The following NALF2 variants were observed in gnomAD, a reference collection of about 807,000 sequenced individuals.
NALF2 encodes the protein NALCN channel auxiliary factor 2.
NALF2 carries 1 observed loss-of-function variant against 24.8 expected under a neutral mutation model. The observed-to-expected ratio is 0.04, with a 90% CI of 0.01 to 0.19. The LOEUF (loss-of-function observed/expected upper bound fraction) is 0.19, where lower values mean the gene tolerates loss of function less well. NALF2 is among the 10% of genes least tolerant of loss of function. NALF2 has a pLI of 1.00. For synonymous variants in NALF2, 254 were observed against 189.8 expected (o/e 1.34, Z -2.78); for missense variants, 458 against 409.6 (o/e 1.12, Z -1.02).
intron 1 of NALF2, among the ~76,000 whole-genome samples, chrX:69,527,313 C>G (rs1033598190): frequency 4.5e-5 from 5 of 112,126 alleles, no homozygotes; most frequent in Non-Finnish European, 7.5e-5. Context: ...CCAAGCAATG[C>G]TTTGCTCTTT....
chrX:69,505,364 A>T lies in NALF2; in HGVS notation c.82A>T (p.Arg28Trp). ...CTGCTGCTGCTGCTGCTGGGCTCCCAGGCCGAGCGACAAACCTTGCGCCGA... is the reference window on the plus strand; with the variant it reads ...CTGCTGCTGCTGCTGCTGGGCTCCCTGGCCGAGCGACAAACCTTGCGCCGA... ...ICCCCCCWAP[R>W]PSDKPCADSE... Residue 28 changes from arginine (R) to tryptophan (W), a missense_variant, in exon 1 of 3, where the codon AGG becomes TGG. Transcript: ENST00000252338. The T allele has an allele frequency of 8.6e-7, 1 of 1,158,199 alleles. No individual in the cohort carries two copies. The highest frequency in any genetic ancestry group is 1.9e-5 in the South Asian group (1 of 51,658).
chrX:69,505,268 G>A lies in NALF2; in HGVS notation c.-15G>A. On this transcript the variant is annotated 5_prime_UTR_variant, in exon 1 of 3. Transcript: ENST00000252338. ...CGCGCCTGCCTGTTCCCTCCAGCCC[G>A]GACCCCCCTGAAATATGTTCAGGGG... The A allele has an allele frequency of 8.8e-7, 1 of 1,135,700 alleles. No individual in the cohort carries two copies. The highest frequency in any genetic ancestry group is 2.0e-5 in the South Asian group (1 of 49,115). The allele number at this position is 1,135,700 out of a possible 1,213,427, so 93.6% of individuals were successfully genotyped here.
At position 69,505,606 on chromosome X, in the gene NALF2, C is replaced by A. The variant is rs768426384; in HGVS notation, c.324C>A (p.Ser108Arg). The change falls in exon 1 of 3, where the codon AGC becomes AGA. Residue 108 changes from serine to arginine, a missense_variant. Transcript: ENST00000252338. ...PLPPPPPGEP[S>R]APPGTCGPRY... ...CGCCGCCGCCGCCCGGCGAGCCCAG[C>A]GCGCCCCCAGGCACCTGCGGCCCCA... 1.8e-6 allele frequency: 2 copies of A among 1,095,318 alleles called. No homozygotes were observed. Among genetic ancestry groups the A allele is most frequent in the Non-Finnish European group, 1.2e-6 (1 of 851,503 alleles). The allele number at this position is 1,095,318 out of a possible 1,213,427, so 90.3% of individuals were successfully genotyped here.
chrX:69,520,243 T>C (rs1287416420), intron 1 of NALF2, among the ~76,000 whole-genome samples: 2 of 112,175 alleles, frequency 1.8e-5, no homozygotes, highest in Non-Finnish European at 3.8e-5. Flanking sequence ...TGGTTACTTC[T>C]TTCTCATGAT....
intron 1 of NALF2, among the ~76,000 whole-genome samples, chrX:69,520,778 A>C (rs1393801539): frequency 9.0e-6 from 1 of 111,675 alleles, no homozygotes; most frequent in Non-Finnish European, 1.9e-5. Flanking sequence ...CCTCTCTCTC[A>C]TTCCCCACAT....
chrX:69,512,023 G>C lies in NALF2; in HGVS notation c.861+5880G>C, dbSNP rs1930591797. Among the ~76,000 whole-genome samples, 4 of 111,587 alleles carry C rather than the reference G, an allele frequency of 3.6e-5. No homozygotes were observed. The South Asian group carries it at 1.5e-3, about 43-fold the overall frequency. ...CACCCTCTGAGGCAGTTTACCTTCT[G>C]TGTGCCCATACAGACTGGGCATCAA... On this transcript the variant is annotated intron_variant, in intron 1 of 2. Transcript: ENST00000252338.
At chrX:69,524,112 T>C (rs1408602539) in intron 1 of NALF2, among the ~76,000 whole-genome samples, 1 of 108,753 alleles carries the variant, frequency 9.2e-6, no homozygotes, top group African/African-American at 3.4e-5. Flanking sequence ...TTTTTTTTTT[T>C]TTTTAGACAG....
At chrX:69,512,049 A>G (rs1346929214) in intron 1 of NALF2, among the ~76,000 whole-genome samples, 1 of 111,273 alleles carries the variant, frequency 9.0e-6, no homozygotes, top group Non-Finnish European at 1.9e-5. Flanking sequence ...TGGGCATCAA[A>G]CCTGCCCTCC....
At position 69,505,894 on chromosome X, in the gene NALF2, C is replaced by T. The variant is rs371432784; in HGVS notation, c.612C>T (p.Val204=). 1 of 1,211,539 alleles carries T rather than the reference C, an allele frequency of 8.3e-7. No homozygotes were observed. Among genetic ancestry groups the T allele is most frequent in the Non-Finnish European group, 1.1e-6 (1 of 895,452 alleles). Residue 204 remains valine, a synonymous_variant, in exon 1 of 3, where the codon GTC becomes GTT. Coordinates refer to ENST00000252338, the MANE Select transcript of NALF2 (RefSeq NM_015686.3). ...FTLSFCDTYT[V]WDLLLGMDRP... is the part of the protein sequence containing the mutation. The stretch of plus-strand genomic sequence containing the variant: ...TCTCCTTTTGCGACACCTACACGGT[C>T]TGGGACTTGCTGCTGGGCATGGACC...
At chrX:69,517,871 C>T (rs962615257) in intron 1 of NALF2, among the ~76,000 whole-genome samples, 3 of 112,880 alleles carry the variant, frequency 2.7e-5, no homozygotes, top group African/African-American at 9.7e-5. Context: ...TCTGGCAAGG[C>T]ACAGCATTTG....
intron 1 of NALF2, among the ~76,000 whole-genome samples, chrX:69,513,336 C>T (rs948302366): frequency 2.7e-5 from 3 of 112,349 alleles, no homozygotes; most frequent in South Asian, 3.7e-4. Flanking sequence ...CCCCAGAGTC[C>T]GCTGAGGCCT....
rs141000146 is a variant in NALF2 at position 69,505,952 on chromosome X, C to G, written c.670C>G (p.Leu224Val). The change falls in exon 1 of 3, where the codon CTG becomes GTG. Residue 224 changes from leucine to valine, a missense_variant. Leu to Val is a conservative substitution (Grantham distance 32, BLOSUM62 1). Transcript: ENST00000252338. ...CAGCCTGGACTGTAGCCTGGACACC[C>G]TGATGGGGGACCTGCTGGCCGTGGT... is the stretch of plus-strand genomic sequence containing the variant. ...PDSLDCSLDT[L>V]MGDLLAVVAS... 1,139 of 1,210,383 alleles carry G rather than the reference C, an allele frequency of 9.4e-4. 5 individuals are homozygous for G. In the African/African-American group the frequency reaches 0.016, roughly 17 times the overall value.
At chrX:69,524,301 A>G (rs1390374680) in intron 1 of NALF2, among the ~76,000 whole-genome samples, 2 of 110,062 alleles carry the variant, frequency 1.8e-5, no homozygotes, top group African/African-American at 6.6e-5. Context: ...CATGTTGTCC[A>G]GGCTGGTCTA....
At position 69,532,489 on chromosome X, in the gene NALF2, A is replaced by G. The variant is rs1930922426; in HGVS notation, c.*2533A>G. On this transcript the variant is annotated 3_prime_UTR_variant, in exon 3 of 3. Transcript: ENST00000252338. ...CTTGTTTAACCCCATAAAGAAATAA[A>G]TGGTAAGACTTGATGATAACCCTCC... 1 of 111,644 alleles carries G rather than the reference A, an allele frequency of 9.0e-6. No individual in the cohort carries two copies. The highest frequency in any genetic ancestry group is 1.9e-5 in the Non-Finnish European group (1 of 53,147). The allele number at this position is 111,644 out of a possible 1,213,427, so 9.2% of individuals were successfully genotyped here. A position where few individuals can be genotyped will look rare whatever the true frequency, so the allele number is the denominator to read the frequency against.
intron 1 of NALF2, 44 bp downstream of exon 1, chrX:69,506,187 G>A (rs766423113): frequency 1.1e-5 from 13 of 1,168,739 alleles, no homozygotes; most frequent in Non-Finnish European, 1.5e-5. Context: ...CCTGGGCAGC[G>A]GCAGCGGCCG....
intron 1 of NALF2, among the ~76,000 whole-genome samples, chrX:69,515,747 C>G (rs1930652701): frequency 8.9e-6 from 1 of 112,193 alleles, no homozygotes; most frequent in Non-Finnish European, 1.9e-5. Flanking sequence ...TTTTTCTAAT[C>G]ACATTTGTGG....
In NALF2 at chrX:69,505,771, C is replaced by G; in HGVS notation, c.489C>G (p.Ala163=). ...LQRLFEPTTP[A]PPLRPPDSLS... is the part of the protein sequence containing the mutation. ...GACTTTTCGAACCGACTACTCCGGC[C>G]CCCCCTCTGCGGCCCCCTGACTCCC... is the stretch of plus-strand genomic sequence containing the variant. Residue 163 remains alanine (A), a synonymous_variant, in exon 1 of 3, where the codon GCC becomes GCG. Transcript: ENST00000252338. 8.3e-7 allele frequency: 1 copy of G among 1,211,418 alleles called. No homozygotes were observed. Among genetic ancestry groups the G allele is most frequent in the Non-Finnish European group, 1.1e-6 (1 of 895,106 alleles).
intron 1 of NALF2, among the ~76,000 whole-genome samples, chrX:69,510,272 G>A (rs770478670): frequency 2.6e-3 from 292 of 112,090 alleles, no homozygotes; most frequent in Non-Finnish European, 3.6e-3. Context: ...TGGTCCTAAC[G>A]CCCACACAAA....
intron 1 of NALF2, among the ~76,000 whole-genome samples, chrX:69,519,191 T>C (rs1930701763): frequency 8.9e-6 from 1 of 112,232 alleles, no homozygotes; most frequent in African/African-American, 3.2e-5. Context: ...CCCAATTTCT[T>C]TATCAGAACT....
Sources: gnomAD v4.1 joint callset for allele counts (sites outside exome capture counted in the v4.1 genomes callset) on GRCh38, gnomAD v4.1.1 for gene constraint, MANE v1.5 for transcripts, NCBI Gene and HGNC (gene_info 2026-07-23, HGNC 2026-07-21) for gene names.